The following OSBPL6 variants were observed in gnomAD, a reference collection of about 807,000 sequenced individuals.
OSBPL6 encodes the protein oxysterol-binding protein-related protein 6.
In OSBPL6, 49 loss-of-function variants were observed where a neutral mutation model predicts 125.8. That is an observed-to-expected ratio of 0.39 (90% CI 0.31 to 0.49). The LOEUF (loss-of-function observed/expected upper bound fraction) is 0.49. Among genes scored for constraint, OSBPL6 ranks in the 20% least tolerant of loss-of-function variants. The probability of loss-of-function intolerance (pLI) is 0.88; values close to 1 mark genes in which losing one functional copy is unlikely to be tolerated. For missense variants in OSBPL6, 986 were observed against 1,135.4 expected (o/e 0.87, Z 1.89); for synonymous variants, 394 against 391.8 (o/e 1.01, Z -0.07).
At position 178,383,983 on chromosome 2, in the gene OSBPL6, A is replaced by G. The variant is rs543852000; in HGVS notation, c.1876-56A>G. ...TAAAATCTAGAGGGATGAGGAACAA[A>G]CAGACCCAGCAGTCGTCTCTCCTAT... On this transcript the variant is annotated intron_variant, in intron 17 of 24. Coordinates refer to ENST00000190611, the MANE Select transcript of OSBPL6 (RefSeq NM_032523.4). 1.2e-4 allele frequency: 191 copies of G among 1,578,034 alleles called. 2 individuals carry two copies. In the South Asian group the frequency reaches 1.7e-3, roughly 14 times the overall value.
chr2:178,265,431 CT>C (rs1372954307), intron 1 of OSBPL6, among the ~76,000 whole-genome samples: 1 of 151,730 alleles, frequency 6.6e-6, no homozygotes, highest in Non-Finnish European at 1.5e-5. Flanking sequence ...CCAGTCTGGT[CT>C]CAAACTCCTG....
intron 8 of OSBPL6, among the ~76,000 whole-genome samples, chr2:178,335,852 C>T (rs1445760439): frequency 6.6e-6 from 1 of 152,096 alleles, no homozygotes; most frequent in Non-Finnish European, 1.5e-5. Flanking sequence ...CAAGGCATTG[C>T]AAGGTTGCTT....
intron 1 of OSBPL6, among the ~76,000 whole-genome samples, chr2:178,284,660 AT>A (rs1684531992): frequency 6.6e-6 from 1 of 152,210 alleles, no homozygotes; most frequent in African/African-American, 2.4e-5. Context: ...AATATTTGCT[AT>A]ATCACTTGAG....
chr2:178,311,762 T>G (rs895187923), intron 3 of OSBPL6, among the ~76,000 whole-genome samples: 12 of 152,030 alleles, frequency 7.9e-5, no homozygotes, highest in African/African-American at 2.9e-4. Context: ...TGAGAGTAAA[T>G]GAAGGATAGC....
chr2:178,332,616 CT>C (rs757577276), intron 6 of OSBPL6, 24 bp from the exon 7 acceptor site: 2 of 1,498,684 alleles, frequency 1.3e-6, no homozygotes, highest in South Asian at 2.3e-5. Context: ...TCCTTTCAGC[CT>C]ATTTACTAGT....
At chr2:178,302,029 T>C (rs1258585602) in intron 2 of OSBPL6, among the ~76,000 whole-genome samples, 1 of 152,212 alleles carries the variant, frequency 6.6e-6, no homozygotes, top group Non-Finnish European at 1.5e-5. Flanking sequence ...CCAGGGCAAG[T>C]GGTCCCCAAT....
intron 8 of OSBPL6, among the ~76,000 whole-genome samples, chr2:178,335,453 T>C (rs1689593493): frequency 6.6e-6 from 1 of 152,186 alleles, no homozygotes; most frequent in Non-Finnish European, 1.5e-5. Flanking sequence ...AAGAGCTTTT[T>C]ATCACTTTGC....
At chr2:178,235,642 G>A (rs1194197772) in intron 1 of OSBPL6, among the ~76,000 whole-genome samples, 6 of 151,882 alleles carry the variant, frequency 4.0e-5, no homozygotes, top group Admixed American at 6.6e-5. Context: ...TTCTGACCTC[G>A]TGATCTGCCT....
chr2:178,378,657 G>A (rs1022160652), intron 15 of OSBPL6, among the ~76,000 whole-genome samples: 5 of 152,174 alleles, frequency 3.3e-5, no homozygotes, highest in Admixed American at 3.3e-4. Context: ...TCTTAACCAC[G>A]GGGCAGAGGA....
At chr2:178,300,589 T>G (rs1271532129) in intron 2 of OSBPL6, among the ~76,000 whole-genome samples, 4 of 152,234 alleles carry the variant, frequency 2.6e-5, no homozygotes, top group African/African-American at 9.6e-5. Flanking sequence ...GCCTCCCGAA[T>G]AGCCGGGATC....
intron 13 of OSBPL6, among the ~76,000 whole-genome samples, chr2:178,370,187 C>T (rs1266793861): frequency 6.6e-6 from 1 of 152,160 alleles, no homozygotes; most frequent in African/African-American, 2.4e-5. Flanking sequence ...ATCACTTGAA[C>T]CCAGGAGGCC....
In OSBPL6 at chr2:178,398,486, G is replaced by A. The variant is rs1695982904; in HGVS notation, c.*2927G>A. On this transcript the variant is annotated 3_prime_UTR_variant, in exon 25 of 25. Transcript: ENST00000190611. The stretch of plus-strand genomic sequence containing the variant: ...GGTAGAGGCTGACCAGAAGCTCATC[G>A]ATTCCATATGCTGTCACCCAGGGTG... The A allele has an allele frequency of 6.6e-6, 1 of 152,144 alleles. No homozygotes were observed. The highest frequency in any genetic ancestry group is 2.1e-4 in the South Asian group (1 of 4,826). The allele number at this position is 152,144 out of a possible 1,614,324, so 9.4% of individuals were successfully genotyped here. A position where few individuals can be genotyped will look rare whatever the true frequency, so the allele number is the denominator to read the frequency against.
intron 16 of OSBPL6, 54 bp from the exon 17 acceptor site, chr2:178,382,970 T>C (rs1575031273): frequency 6.3e-7 from 1 of 1,584,206 alleles, no homozygotes; most frequent in East Asian, 2.2e-5. Flanking sequence ...CCCTTCTTGA[T>C]TTTGTGAAAT....
At chr2:178,307,640 C>T (rs7559125) in intron 3 of OSBPL6, among the ~76,000 whole-genome samples, 26,693 of 148,510 alleles carry the variant, frequency 0.18, 2,572 homozygotes, top group Admixed American at 0.24. Context: ...TTCTGAGATG[C>T]TTTCTAAGTT....
intron 15 of OSBPL6, among the ~76,000 whole-genome samples, chr2:178,375,840 G>C (rs1265827146): frequency 6.6e-6 from 1 of 152,122 alleles, no homozygotes; most frequent in Non-Finnish European, 1.5e-5. Context: ...AAGTCCCTGG[G>C]GCACACCCCA....
intron 1 of OSBPL6, among the ~76,000 whole-genome samples, chr2:178,228,343 G>A (rs1221835675): frequency 6.6e-6 from 1 of 152,176 alleles, no homozygotes; most frequent in East Asian, 1.9e-4. Flanking sequence ...AGACCATCCT[G>A]GCTAACATGG....
chr2:178,256,077 G>A (rs1256882363), intron 1 of OSBPL6, among the ~76,000 whole-genome samples: 6 of 152,146 alleles, frequency 3.9e-5, no homozygotes, highest in Non-Finnish European at 8.8e-5. Flanking sequence ...TGGACCACAT[G>A]GATGATCAAG....
intron 12 of OSBPL6, among the ~76,000 whole-genome samples, chr2:178,360,019 G>A (rs887770260): frequency 1.3e-5 from 2 of 152,100 alleles, no homozygotes; most frequent in Non-Finnish European, 2.9e-5. Flanking sequence ...CACAGGAGGC[G>A]GAAGTTGTAA....
chr2:178,359,459 G>A (rs78857562), intron 12 of OSBPL6, among the ~76,000 whole-genome samples: 37,442 of 152,052 alleles, frequency 0.25, 4,866 homozygotes, highest in Admixed American at 0.38. Flanking sequence ...GGGAGTGTAC[G>A]TTGGTGCAGC....
Sources: allele counts gnomAD v4.1 joint callset (sites outside exome capture counted in the v4.1 genomes callset), GRCh38; gene constraint gnomAD v4.1.1; transcripts MANE v1.5; gene names NCBI Gene and HGNC (gene_info 2026-07-23, HGNC 2026-07-21).